Variants in AKT3 observed in about 807,000 individuals in gnomAD.
AKT3 encodes the protein AKT serine/threonine kinase 3, also known as RAC-gamma serine/threonine-protein kinase.
In AKT3, 15 loss-of-function variants were observed where a neutral mutation model predicts 65.3. The ratio of observed to expected loss-of-function variants is 0.23; its 90% CI spans 0.15 to 0.35. The LOEUF (loss-of-function observed/expected upper bound fraction) is 0.35, where lower values mean the gene tolerates loss of function less well. Among genes scored for constraint, AKT3 ranks in the 10% least tolerant of loss-of-function variants. AKT3 has a pLI of 1.00. For missense variants in AKT3, 243 were observed against 576.5 expected (o/e 0.42, Z 5.92); for synonymous variants, 206 against 183.8 (o/e 1.12, Z -0.98).
chr1:243,823,672 T>C (rs1161527151), intron 2 of AKT3, among the ~76,000 whole-genome samples: 1 of 152,170 alleles, frequency 6.6e-6, no homozygotes, highest in African/African-American at 2.4e-5. Flanking sequence ...CATTCATAAT[T>C]GCTACAAAGA....
At chr1:243,498,557 C>T (rs1668642183), downstream of AKT3, among the ~76,000 whole-genome samples, 1 of 152,222 alleles carries the variant, frequency 6.6e-6, no homozygotes, top group South Asian at 2.1e-4. Context: ...TACTCACAGA[C>T]CTGTTCAAGA....
At chr1:243,604,196 C>T (rs539223471) in intron 8 of AKT3, among the ~76,000 whole-genome samples, 3 of 152,266 alleles carry the variant, frequency 2.0e-5, no homozygotes, top group African/African-American at 7.2e-5. Context: ...CATCCGACAA[C>T]CTTATCATTT....
intron 2 of AKT3, among the ~76,000 whole-genome samples, chr1:243,748,159 G>A (rs1688593543): frequency 6.6e-6 from 1 of 152,116 alleles, no homozygotes; most frequent in Non-Finnish European, 1.5e-5. Flanking sequence ...GTTTGCTGGT[G>A]TGTCTGGTTT....
chr1:243,630,536 A>G (rs1679530905), intron 6 of AKT3, among the ~76,000 whole-genome samples: 1 of 152,234 alleles, frequency 6.6e-6, no homozygotes, highest in South Asian at 2.1e-4. Flanking sequence ...ATTCGATTTC[A>G]AGGTCTGTAA....
chr1:243,779,636 C>A (rs1558803394), intron 2 of AKT3, among the ~76,000 whole-genome samples: 1 of 151,680 alleles, frequency 6.6e-6, no homozygotes, highest in South Asian at 2.1e-4. Flanking sequence ...TAGAATGGAT[C>A]AGGACAGGAT....
At chr1:243,612,109 A>T (rs1558652580) in intron 8 of AKT3, among the ~76,000 whole-genome samples, 1 of 145,572 alleles carries the variant, frequency 6.9e-6, no homozygotes, top group Non-Finnish European at 1.5e-5. Flanking sequence ...TTGGGTTTTG[A>T]TTTTTTTTTT....
intron 7 of AKT3, among the ~76,000 whole-genome samples, chr1:243,614,334 T>C (rs893088606): frequency 1.3e-5 from 2 of 152,158 alleles, no homozygotes; most frequent in East Asian, 3.8e-4. Flanking sequence ...GCTCTGAAAA[T>C]GTCTATTTCA....
intron 8 of AKT3, among the ~76,000 whole-genome samples, chr1:243,599,941 GACT>G (rs895841491): frequency 3.3e-5 from 5 of 151,910 alleles, no homozygotes; most frequent in African/African-American, 1.2e-4. Flanking sequence ...TACAATAAAA[GACT>G]ACTAAAACTA....
intron 12 of AKT3, among the ~76,000 whole-genome samples, chr1:243,522,571 T>C (rs186175216): frequency 8.5e-5 from 13 of 152,062 alleles, no homozygotes; most frequent in African/African-American, 1.4e-4. Flanking sequence ...AGGTGGAAGG[T>C]TGAGGGTGAA....
At chr1:243,715,632 T>C (rs1333443347) in intron 2 of AKT3, among the ~76,000 whole-genome samples, 1 of 152,058 alleles carries the variant, frequency 6.6e-6, no homozygotes, top group African/African-American at 2.4e-5. Context: ...ATTCTTTTTC[T>C]AAAAATCTGC....
chr1:243,545,758 C>G (rs905058688), intron 11 of AKT3, 161 bp from the exon 12 acceptor site: 36 of 571,640 alleles, frequency 6.3e-5, no homozygotes, highest in Non-Finnish European at 9.8e-5. Flanking sequence ...TCTATTTTTC[C>G]TAATATGCTT....
chr1:243,785,755 C>CA (rs1373003925), intron 2 of AKT3, among the ~76,000 whole-genome samples: 1 of 152,204 alleles, frequency 6.6e-6, no homozygotes, highest in Non-Finnish European at 1.5e-5. Context: ...GCACAGCCAT[C>CA]AAATTCCTGG....
chr1:243,540,807 A>C (rs1311103502), intron 12 of AKT3, among the ~76,000 whole-genome samples: 4 of 152,104 alleles, frequency 2.6e-5, no homozygotes, highest in African/African-American at 9.7e-5. Context: ...TGAGGCTAAC[A>C]CTTTTAAAGT....
chr1:243,676,375 G>A (rs1444367521), intron 3 of AKT3, among the ~76,000 whole-genome samples: 1 of 152,074 alleles, frequency 6.6e-6, no homozygotes, highest in Non-Finnish European at 1.5e-5. Context: ...TAGGAGATGA[G>A]GTTAGAAAGA....
chr1:243,550,727 C>T (rs904253159), intron 11 of AKT3, among the ~76,000 whole-genome samples: 2 of 138,948 alleles, frequency 1.4e-5, no homozygotes, highest in African/African-American at 2.7e-5. Context: ...GGGTGGATCA[C>T]GAGGTCAGGA....
intron 9 of AKT3, among the ~76,000 whole-genome samples, chr1:243,569,130 A>G (rs1674376404): frequency 6.6e-6 from 1 of 152,266 alleles, no homozygotes. Context: ...GTAGTAAGGA[A>G]TTCCTACTCT....
At chr1:243,549,767 C>T (rs1378616233) in intron 11 of AKT3, among the ~76,000 whole-genome samples, 2 of 152,114 alleles carry the variant, frequency 1.3e-5, no homozygotes, top group Admixed American at 1.3e-4. Context: ...TGGATCCTCA[C>T]TCATCTAATC....
chr1:243,788,092 C>G (rs971223848), intron 2 of AKT3, among the ~76,000 whole-genome samples: 2 of 151,998 alleles, frequency 1.3e-5, no homozygotes, highest in Non-Finnish European at 2.9e-5. Context: ...ATCTCTGAAA[C>G]TTAATCAGAG....
chr1:243,605,876 C>T (rs936753005), intron 8 of AKT3, among the ~76,000 whole-genome samples: 1 of 152,170 alleles, frequency 6.6e-6, no homozygotes, highest in African/African-American at 2.4e-5. Flanking sequence ...GGGAGGGATC[C>T]ACTGGAAGGT....
Sources: allele counts gnomAD v4.1 joint callset (sites outside exome capture counted in the v4.1 genomes callset), GRCh38; gene constraint gnomAD v4.1.1; transcripts MANE v1.5; gene names NCBI Gene and HGNC (gene_info 2026-07-23, HGNC 2026-07-21).